Variants in PLEKHG3 observed in about 807,000 individuals in gnomAD.
The protein encoded by PLEKHG3 is pleckstrin homology and RhoGEF domain containing G3.
In PLEKHG3, 62 loss-of-function variants were observed where a neutral mutation model predicts 94.9. The observed-to-expected ratio is 0.65, with a 90% CI of 0.53 to 0.81. The LOEUF (loss-of-function observed/expected upper bound fraction) is 0.81, where lower values mean the gene tolerates loss of function less well. PLEKHG3 is among the 30% of genes least tolerant of loss of function. The pLI, the probability that PLEKHG3 is intolerant of heterozygous loss-of-function variation, is 0.00. For missense variants in PLEKHG3, 1,461 were observed against 1,619.3 expected, an observed-to-expected ratio of 0.90 and a Z score of 1.68; for synonymous variants, 614 against 654.0, an observed-to-expected ratio of 0.94 and a Z score of 0.93.
rs574942537 is a variant in PLEKHG3, at chr14:64,739,797, C to T, written c.1518+942C>T. Among the ~76,000 whole-genome samples the T allele has an allele frequency of 2.0e-5, 3 of 152,196 alleles. No individual in the cohort carries two copies. The highest frequency in any genetic ancestry group is 4.4e-5 in the Non-Finnish European group (3 of 68,030). On this transcript the variant is annotated intron_variant, in intron 15 of 16. Coordinates refer to ENST00000247226, the MANE Select transcript of PLEKHG3 (RefSeq NM_001308147.2). The surrounding 1 kb of genome is among the most constrained non-coding windows in gnomAD (Gnocchi z 4.1). ...TGATCCTCATTTGTAAGGGATCTGA[C>T]CCCACTCATGAGGATGGAGCCCTTG...
Position 64,723,391 on chromosome 14 carries a change from C to T in PLEKHG3, c.-39-4202C>T, listed in dbSNP as rs2081298552. ...GCTGCAATGAGCTGTGATTGCACCACTGCACTCCAGCCTGGGTGACAGAGG... is the reference window on the plus strand; with the variant it reads ...GCTGCAATGAGCTGTGATTGCACCATTGCACTCCAGCCTGGGTGACAGAGG... On this transcript the variant is annotated intron_variant, in intron 1 of 16. Transcript: ENST00000247226. The surrounding 1 kb of genome is among the most constrained non-coding windows in gnomAD (Gnocchi z 4.5). Among the ~76,000 whole-genome samples the T allele has an allele frequency of 6.6e-6, 1 of 152,140 alleles. No individual in the cohort carries two copies. The highest frequency in any genetic ancestry group is 2.4e-5 in the African/African-American group (1 of 41,424).
At chr14:64,710,662 A>C (rs906574585) in intron 1 of PLEKHG3, among the ~76,000 whole-genome samples, 3 of 152,034 alleles carry the variant, frequency 2.0e-5, no homozygotes, top group African/African-American at 7.2e-5. Context: ...CAAGAGCAGA[A>C]CTCTGTCTCA....
At position 64,730,237 on chromosome 14, in the gene PLEKHG3, A is replaced by G. The variant is rs1317036562; in HGVS notation, c.450-6A>G. Reference sequence around the variant, plus strand: ...AGGGTACAGTGGCTGCTCTCCCCTCACCCAGCCAGCTCCTCAGAGACCTGG... The same window carrying G: ...AGGGTACAGTGGCTGCTCTCCCCTCGCCCAGCCAGCTCCTCAGAGACCTGG... On this transcript the variant is annotated splice_polypyrimidine_tract_variant and splice_region_variant and intron_variant, in intron 3 of 16. Coordinates refer to ENST00000247226, the MANE Select transcript of PLEKHG3 (RefSeq NM_001308147.2). The surrounding 1 kb of genome is among the most constrained non-coding windows in gnomAD (Gnocchi z 5.4). 1 of 1,519,582 alleles carries G rather than the reference A, an allele frequency of 6.6e-7. No individual in the cohort carries two copies. 94.1% of individuals were successfully genotyped at this position (1,519,582 alleles called of 1,614,324 possible).
intron 15 of PLEKHG3, 26 bp from the exon 16 acceptor site, chr14:64,741,010 T>A: frequency 6.5e-7 from 1 of 1,536,290 alleles, no homozygotes; most frequent in Non-Finnish European, 8.8e-7. Context: ...TTTTTACTCA[T>A]GTGAGCCTTT....
At chr14:64,710,104 A>G (rs1424285408) in intron 1 of PLEKHG3, among the ~76,000 whole-genome samples, 1 of 152,200 alleles carries the variant, frequency 6.6e-6, no homozygotes, top group Non-Finnish European at 1.5e-5. Flanking sequence ...GCTCCCATGC[A>G]AGTTGGCCCC....
At position 64,731,640 on chromosome 14, in the gene PLEKHG3, C is replaced by T; in HGVS notation, c.1033-74C>T. ...CTGCTTCTTGGGGCTCCAGCACCAC[C>T]CTTCTGAGATCACCCTCCCTGCTTC... On this transcript the variant is annotated intron_variant, in intron 8 of 16. Transcript: ENST00000247226. The surrounding 1 kb of genome is among the most constrained non-coding windows in gnomAD (Gnocchi z 6.1). The T allele has an allele frequency of 6.6e-7, 1 of 1,507,404 alleles. No homozygotes were observed. Among genetic ancestry groups the T allele is most frequent in the Non-Finnish European group, 9.2e-7 (1 of 1,083,134 alleles). The allele number at this position is 1,507,404 out of a possible 1,614,324, so 93.4% of individuals were successfully genotyped here. A position where few individuals can be genotyped will look rare whatever the true frequency, so the allele number is the denominator to read the frequency against.
chr14:64,707,386 G>C (rs2080988747), intron 1 of PLEKHG3, among the ~76,000 whole-genome samples: 1 of 152,150 alleles, frequency 6.6e-6, no homozygotes, highest in African/African-American at 2.4e-5. Flanking sequence ...ATGCCCCTTA[G>C]TTCTATTTTA....
rs2081864866 is a variant in PLEKHG3 at position 64,747,470 on chromosome 14, G to A, written c.*3767G>A. Reference sequence around the variant, plus strand: ...GTCATATGTACCAAAGCCAAATGAAGACCTTGCTCACCAGGGCGGGAACCT... The same window carrying A: ...GTCATATGTACCAAAGCCAAATGAAAACCTTGCTCACCAGGGCGGGAACCT... On this transcript the variant is annotated 3_prime_UTR_variant, in exon 17 of 17. Coordinates refer to ENST00000247226, the MANE Select transcript of PLEKHG3 (RefSeq NM_001308147.2). 1 of 152,662 alleles carries A rather than the reference G, an allele frequency of 6.6e-6. No individual in the cohort carries two copies. The highest frequency in any genetic ancestry group is 6.5e-5 in the Admixed American group (1 of 15,286). The allele number at this position is 152,662 out of a possible 1,614,324, so 9.5% of individuals were successfully genotyped here.
chr14:64,748,471 A>G lies in PLEKHG3; in HGVS notation c.*4768A>G, dbSNP rs959710736. The G allele has an allele frequency of 2.0e-5, 3 of 152,288 alleles. No individual in the cohort carries two copies. Among genetic ancestry groups the G allele is most frequent in the African/African-American group, 4.8e-5 (2 of 41,440 alleles). 9.4% of individuals were successfully genotyped at this position (152,288 alleles called of 1,614,324 possible). A position where few individuals can be genotyped will look rare whatever the true frequency, so the allele number is the denominator to read the frequency against. On this transcript the variant is annotated 3_prime_UTR_variant, in exon 17 of 17. Coordinates refer to ENST00000247226, the MANE Select transcript of PLEKHG3 (RefSeq NM_001308147.2). The stretch of plus-strand genomic sequence containing the variant: ...CGCACCTGTCACTCCTTCAGATCAG[A>G]GCCCTGTGCCCTAGCCACGGTTTTC...
At chr14:64,737,249 T>C in intron 13 of PLEKHG3, 107 bp from the exon 14 acceptor site, 2 of 827,408 alleles carry the variant, frequency 2.4e-6, no homozygotes, top group Non-Finnish European at 4.1e-6. Context: ...CAGTGAGGAC[T>C]TCCCCAGGGA....
Position 64,715,451 on chromosome 14 carries a change from C to G in PLEKHG3, c.-40+10747C>G, listed in dbSNP as rs1030270482. 6.6e-6 allele frequency among the ~76,000 whole-genome samples: 1 copy of G among 152,090 alleles called. No homozygotes were observed. On this transcript the variant is annotated intron_variant, in intron 1 of 16. Coordinates refer to ENST00000247226, the MANE Select transcript of PLEKHG3 (RefSeq NM_001308147.2). The surrounding 1 kb of genome is among the most constrained non-coding windows in gnomAD (Gnocchi z 4.4). ...TGTTTTGCCTTATGTCTGGTATACT[C>G]GAATAAATGCTAGCTGAGGTTATTT...
In PLEKHG3 at chr14:64,738,862, G is replaced by C. The variant is rs764027791; in HGVS notation, c.1518+7G>C. Reference sequence around the variant, plus strand: ...CATTTCTTCCCTGCCAGAGGTGAGCGACCAGCAGGTGGGATGGGGATAGTA... The same window carrying C: ...CATTTCTTCCCTGCCAGAGGTGAGCCACCAGCAGGTGGGATGGGGATAGTA... On this transcript the variant is annotated splice_region_variant and intron_variant, in intron 15 of 16. Transcript: ENST00000247226. The surrounding 1 kb of genome is among the most constrained non-coding windows in gnomAD (Gnocchi z 4.8). The C allele has an allele frequency of 1.9e-6, 3 of 1,542,284 alleles. No individual in the cohort carries two copies. The East Asian group carries it at 7.1e-5, about 36-fold the overall frequency.
rs760428999 is a variant in PLEKHG3 at position 64,746,372 on chromosome 14, G to C, written c.*2669G>C. On this transcript the variant is annotated 3_prime_UTR_variant, in exon 17 of 17. Coordinates refer to ENST00000247226, the MANE Select transcript of PLEKHG3 (RefSeq NM_001308147.2). This position sits in a 1 kb window ranked among gnomAD's most constrained non-coding sequence, Gnocchi z 4.9. Reference sequence around the variant, plus strand: ...TTGAGCAGGTGGAGGACAGGACCCAGCTGGCCCCAGGGCCAGCCCCAGATT... The same window carrying C: ...TTGAGCAGGTGGAGGACAGGACCCACCTGGCCCCAGGGCCAGCCCCAGATT... 3 of 152,612 alleles carry C rather than the reference G, an allele frequency of 2.0e-5. No individual in the cohort carries two copies. Among genetic ancestry groups the C allele is most frequent in the Non-Finnish European group, 4.4e-5 (3 of 68,054 alleles). The allele number at this position is 152,612 out of a possible 1,614,324, so 9.5% of individuals were successfully genotyped here. A position where few individuals can be genotyped will look rare whatever the true frequency, so the allele number is the denominator to read the frequency against.
chr14:64,749,173 G>T lies in PLEKHG3; in HGVS notation c.*5470G>T. Reference sequence around the variant, plus strand: ...GCGAAGGCAGCTTTTGCAGTGCAGCGTGGGGCCCGGGGGCCCGGCCCGCGA... The same window carrying T: ...GCGAAGGCAGCTTTTGCAGTGCAGCTTGGGGCCCGGGGGCCCGGCCCGCGA... On this transcript the variant is annotated 3_prime_UTR_variant, in exon 17 of 17. Transcript: ENST00000247226. This position sits in a 1 kb window ranked among gnomAD's most constrained non-coding sequence, Gnocchi z 4.7. The T allele has an allele frequency of 9.0e-7, 1 of 1,113,400 alleles. No homozygotes were observed. Among genetic ancestry groups the T allele is most frequent in the Non-Finnish European group, 1.3e-6 (1 of 788,892 alleles). 69.0% of individuals were successfully genotyped at this position (1,113,400 alleles called of 1,614,324 possible). A position where few individuals can be genotyped will look rare whatever the true frequency, so the allele number is the denominator to read the frequency against.
At position 64,722,164 on chromosome 14, in the gene PLEKHG3, C is replaced by T. The variant is rs115864419; in HGVS notation, c.-39-5429C>T. On this transcript the variant is annotated intron_variant, in intron 1 of 16. Coordinates refer to ENST00000247226, the MANE Select transcript of PLEKHG3 (RefSeq NM_001308147.2). The surrounding 1 kb of genome is among the most constrained non-coding windows in gnomAD (Gnocchi z 4.3). ...TGATGTAGTTGAGGGATGAAGGCCA[C>T]ACAGGAGGGCTGCGCCATCGCCGTT... Among the ~76,000 whole-genome samples the T allele has an allele frequency of 1.1e-3, 161 of 152,254 alleles. 1 individual carries two copies. The highest frequency in any genetic ancestry group is 3.5e-3 in the African/African-American group (144 of 41,548).
rs753612043 is a variant in PLEKHG3, at chr14:64,727,618, G to C, written c.-14G>C. ...AATCTCCCTGGGGTGCCCTCCCCAGGCAGCAATGCCAGGATGCCTGTGTCC... is the reference window on the plus strand; with the variant it reads ...AATCTCCCTGGGGTGCCCTCCCCAGCCAGCAATGCCAGGATGCCTGTGTCC... On this transcript the variant is annotated 5_prime_UTR_variant, in exon 2 of 17. Coordinates refer to ENST00000247226, the MANE Select transcript of PLEKHG3 (RefSeq NM_001308147.2). This position sits in a 1 kb window ranked among gnomAD's most constrained non-coding sequence, Gnocchi z 6.0. 9.0e-6 allele frequency: 14 copies of C among 1,559,328 alleles called. 1 individual carries two copies. Among genetic ancestry groups the C allele is most frequent in the South Asian group, 6.7e-5 (6 of 89,610 alleles).
Position 64,725,439 on chromosome 14 carries a change from C to T in PLEKHG3, c.-39-2154C>T, listed in dbSNP as rs1882054089. 6.6e-6 allele frequency among the ~76,000 whole-genome samples: 1 copy of T among 152,026 alleles called. No individual in the cohort carries two copies. The highest frequency in any genetic ancestry group is 1.5e-5 in the Non-Finnish European group (1 of 68,014). The stretch of plus-strand genomic sequence containing the variant: ...CACTTTGAAGGACATCAGAGTGCCA[C>T]AGGGCTGGGGGTTAAGGGCTGGGGT... On this transcript the variant is annotated intron_variant, in intron 1 of 16. Coordinates refer to ENST00000247226, the MANE Select transcript of PLEKHG3 (RefSeq NM_001308147.2). The surrounding 1 kb of genome is among the most constrained non-coding windows in gnomAD (Gnocchi z 5.0).
In PLEKHG3 at chr14:64,726,428, A is replaced by C. The variant is rs1383354534; in HGVS notation, c.-39-1165A>C. Among the ~76,000 whole-genome samples, 1 of 152,144 alleles carries C rather than the reference A, an allele frequency of 6.6e-6. No individual in the cohort carries two copies. Among genetic ancestry groups the C allele is most frequent in the African/African-American group, 2.4e-5 (1 of 41,408 alleles). The stretch of plus-strand genomic sequence containing the variant: ...ACTTACTGTTTTCCTGTGAAATAGC[A>C]ATGAAATGTGTACTCTGCAAAGTGG... On this transcript the variant is annotated intron_variant, in intron 1 of 16. Coordinates refer to ENST00000247226, the MANE Select transcript of PLEKHG3 (RefSeq NM_001308147.2). The surrounding 1 kb of genome is among the most constrained non-coding windows in gnomAD (Gnocchi z 5.1).
In PLEKHG3 at chr14:64,743,605, C is replaced by G. The variant is rs2081766994; in HGVS notation, c.3562C>G (p.Pro1188Ala). The change falls in exon 17 of 17, where the codon CCG (proline) becomes GCG (alanine). Residue 1188 changes from proline (P) to alanine (A), a missense_variant. This residue lies in a region of PLEKHG3 where 1,201 missense variants were observed against 1,295.5 expected (regional missense o/e 0.93). Coordinates refer to ENST00000247226, the MANE Select transcript of PLEKHG3 (RefSeq NM_001308147.2). The surrounding 1 kb of genome is among the most constrained non-coding windows in gnomAD (Gnocchi z 7.2). ...CTTCCAGCAGTCTGCAGAGTGCCAG[C>G]CGAAGGAAGAGGGTTCCAGGGACCC... ...QDFQQSAECQ[P>A]KEEGSRDPAD... The G allele has an allele frequency of 6.2e-7, 1 of 1,612,816 alleles. No individual in the cohort carries two copies. Among genetic ancestry groups the G allele is most frequent in the African/African-American group, 1.3e-5 (1 of 75,048 alleles).
Sources: allele counts gnomAD v4.1 joint callset (sites outside exome capture counted in the v4.1 genomes callset), GRCh38; gene constraint gnomAD v4.1.1; regional missense constraint gnomAD v4.1.1; non-coding constraint Gnocchi (gnomAD v3.1); transcripts MANE v1.5; gene names NCBI Gene and HGNC (gene_info 2026-07-23, HGNC 2026-07-21).